FOCAD: variants seen among roughly 807,000 people sequenced by gnomAD.
The protein encoded by FOCAD is KIAA1797.
FOCAD carries 198 observed loss-of-function variants against 225.6 expected under a neutral mutation model. The ratio of observed to expected loss-of-function variants is 0.88; its 90% CI spans 0.78 to 0.99. The LOEUF (loss-of-function observed/expected upper bound fraction) is 0.99, where lower values mean the gene tolerates loss of function less well. Among genes scored for constraint, FOCAD ranks in the 50% least tolerant of loss-of-function variants. The pLI is 0.00. For synonymous variants in FOCAD, 897 were observed against 755.0 expected (o/e 1.19, Z -3.08); for missense variants, 2,713 against 2,123.6 (o/e 1.28, Z -5.46).
At chr9:20,946,080 T>TATTTATTC (rs1476011973) in intron 29 of FOCAD, among the ~76,000 whole-genome samples, 7 of 122,416 alleles carry the variant, frequency 5.7e-5, no homozygotes, top group Non-Finnish European at 1.2e-4. Context: ...ATATTTTATT[T>TATTTATTC]ATTCATTCAT....
intron 30 of FOCAD, among the ~76,000 whole-genome samples, chr9:20,947,941 C>T (rs1028724076): frequency 6.6e-5 from 10 of 151,566 alleles, no homozygotes; most frequent in Non-Finnish European, 4.4e-5. Flanking sequence ...GTTGATTGAC[C>T]TTGTGTGGTC....
intron 35 of FOCAD, among the ~76,000 whole-genome samples, chr9:20,957,070 C>T (rs1301444997): frequency 6.6e-6 from 1 of 152,110 alleles, no homozygotes; most frequent in African/African-American, 2.4e-5. Flanking sequence ...ATAATAACAG[C>T]TATTATTTTT....
chr9:20,841,334 A>T (rs1826505301), intron 15 of FOCAD, among the ~76,000 whole-genome samples: 1 of 151,516 alleles, frequency 6.6e-6, no homozygotes, highest in Non-Finnish European at 1.5e-5. Context: ...TAGTTCTTCT[A>T]TAAATGTCTT....
chr9:20,781,492 C>T (rs1267004307), intron 9 of FOCAD, among the ~76,000 whole-genome samples: 1 of 136,626 alleles, frequency 7.3e-6, no homozygotes, highest in African/African-American at 2.6e-5. Flanking sequence ...TTCATATTAA[C>T]CTAAAAGAGT....
chr9:20,704,142 T>C (rs982224368), intron 1 of FOCAD, among the ~76,000 whole-genome samples: 1 of 152,250 alleles, frequency 6.6e-6, no homozygotes, highest in East Asian at 1.9e-4. Flanking sequence ...ATCTTATTCA[T>C]TTGAACATTT....
rs934600251 is a variant in FOCAD, at chr9:20,938,885, A to G, written c.3408-5742A>G. ...GATTTACTTTTTAAAAAGAATATAA[A>G]TGTATTATTACCACTGAACTGTACC... On this transcript the variant is annotated intron_variant, in intron 28 of 43. Transcript: ENST00000338382. 1.4e-3 allele frequency among the ~76,000 whole-genome samples: 208 copies of G among 152,056 alleles called. 1 individual carries two copies. Among genetic ancestry groups the G allele is most frequent in the Non-Finnish European group, 1.5e-3 (100 of 67,966 alleles).
At chr9:20,739,428 A>G (rs1827417709) in intron 4 of FOCAD, among the ~76,000 whole-genome samples, 1 of 152,078 alleles carries the variant, frequency 6.6e-6, no homozygotes, top group South Asian at 2.1e-4. Flanking sequence ...ACATGGTGAA[A>G]CCTTGTCTCT....
intron 15 of FOCAD, among the ~76,000 whole-genome samples, chr9:20,859,000 A>G (rs773953473): frequency 1.3e-5 from 2 of 152,146 alleles, no homozygotes; most frequent in African/African-American, 2.4e-5. Context: ...TTTGTGGTCT[A>G]TCATATAGTC....
intron 2 of FOCAD, among the ~76,000 whole-genome samples, chr9:20,670,623 C>T (rs1183153580): frequency 6.6e-6 from 1 of 152,146 alleles, no homozygotes; most frequent in African/African-American, 2.4e-5. Context: ...AATCACTTCC[C>T]ACCAAGTCCC....
intron 28 of FOCAD, among the ~76,000 whole-genome samples, chr9:20,936,649 A>T (rs940430823): frequency 6.6e-6 from 1 of 152,192 alleles, no homozygotes; most frequent in Non-Finnish European, 1.5e-5. Flanking sequence ...TAACACGGTG[A>T]AACCCTGTCT....
Position 20,988,319 on chromosome 9 carries a change from C to G in FOCAD, c.4907-13C>G. On this transcript the variant is annotated splice_polypyrimidine_tract_variant and intron_variant, in intron 40 of 43. Transcript: ENST00000338382. ...AACCATGGTCTAGTAAGAAAATACC[C>G]TTTTCATTTCAGGCGTTTTGAAGAG... 1.3e-6 allele frequency: 2 copies of G among 1,549,782 alleles called. No homozygotes were observed. The highest frequency in any genetic ancestry group is 1.8e-6 in the Non-Finnish European group (2 of 1,128,286).
chr9:20,795,587 C>T (rs1370826700), intron 11 of FOCAD, among the ~76,000 whole-genome samples: 1 of 151,606 alleles, frequency 6.6e-6, no homozygotes, highest in African/African-American at 2.4e-5. Flanking sequence ...AGATTGAGAC[C>T]ATCCTGGCTA....
chr9:20,855,573 C>T (rs1002359354), intron 15 of FOCAD, among the ~76,000 whole-genome samples: 1 of 151,570 alleles, frequency 6.6e-6, no homozygotes. Context: ...TATCCATCAC[C>T]TCAAGCATTA....
chr9:20,878,400 A>G (rs1199752614), intron 19 of FOCAD, among the ~76,000 whole-genome samples: 4 of 152,192 alleles, frequency 2.6e-5, no homozygotes, highest in Non-Finnish European at 5.9e-5. Context: ...TATATTCTCC[A>G]TCTGAAAGTC....
chr9:20,947,868 A>C (rs1837328690), intron 30 of FOCAD, among the ~76,000 whole-genome samples: 2 of 152,250 alleles, frequency 1.3e-5, no homozygotes, highest in South Asian at 4.1e-4. Context: ...AGTTGTGAAA[A>C]ATTGAAATGT....
intron 4 of FOCAD, among the ~76,000 whole-genome samples, chr9:20,734,762 G>A (rs1023696705): frequency 1.3e-5 from 2 of 151,352 alleles, no homozygotes; most frequent in African/African-American, 2.4e-5. Context: ...CTCCCACCTC[G>A]GTCCCCCAAG....
At chr9:20,943,972 A>G (rs750591331) in intron 28 of FOCAD, among the ~76,000 whole-genome samples, 6 of 152,240 alleles carry the variant, frequency 3.9e-5, no homozygotes, top group Non-Finnish European at 8.8e-5. Context: ...TTGAATTGTC[A>G]CATGGGGTAA....
At chr9:20,797,467 T>C (rs2131251184) in intron 11 of FOCAD, among the ~76,000 whole-genome samples, 1 of 152,298 alleles carries the variant, frequency 6.6e-6, no homozygotes, top group Middle Eastern at 3.4e-3. Flanking sequence ...TGTTTTTCCA[T>C]TTGTTTGTAT....
chr9:20,820,989 C>T lies in FOCAD; in HGVS notation c.1711C>T (p.Pro571Ser), dbSNP rs2131418997. 6.2e-7 allele frequency: 1 copy of T among 1,612,642 alleles called. No individual in the cohort carries two copies. The highest frequency in any genetic ancestry group is 8.5e-7 in the Non-Finnish European group (1 of 1,179,118). ...LQRFMAVSDV[P>S]SLSVGKEVQW... ...GCGTTTCATGGCTGTGTCTGATGTACCTTCTCTTTCGGTGGGCAAGGAAGT... is the reference window on the plus strand; with the variant it reads ...GCGTTTCATGGCTGTGTCTGATGTATCTTCTCTTTCGGTGGGCAAGGAAGT... Residue 571 changes from proline to serine, a missense_variant, in exon 14 of 44, where the codon CCT (proline) becomes TCT (serine). Transcript: ENST00000338382.
Sources: allele counts gnomAD v4.1 joint callset (sites outside exome capture counted in the v4.1 genomes callset), GRCh38; gene constraint gnomAD v4.1.1; transcripts MANE v1.5; gene names NCBI Gene and HGNC (gene_info 2026-07-23, HGNC 2026-07-21).